CPNE5: variants seen among roughly 807,000 people sequenced by gnomAD.
CPNE5 encodes the protein copine-5.
CPNE5 carries 42 observed loss-of-function variants against 81.1 expected under a neutral mutation model. The observed-to-expected ratio is 0.52, with a 90% CI of 0.40 to 0.67. CPNE5 has a LOEUF of 0.67. Among genes scored for constraint, CPNE5 ranks in the 30% least tolerant of loss-of-function variants. CPNE5 has a pLI of 0.00. For missense variants in CPNE5, 612 were observed against 815.5 expected (o/e 0.75, Z 3.04); for synonymous variants, 313 against 321.5 (o/e 0.97, Z 0.28).
chr6:36,806,650 C>T (rs1770619829), intron 3 of CPNE5, among the ~76,000 whole-genome samples: 1 of 152,224 alleles, frequency 6.6e-6, no homozygotes, highest in Non-Finnish European at 1.5e-5. Context: ...TGCTGGGACC[C>T]TCACTGATAA....
chr6:36,788,694 A>T (rs1768829203), intron 8 of CPNE5, among the ~76,000 whole-genome samples: 1 of 118,572 alleles, frequency 8.4e-6, no homozygotes. Flanking sequence ...TGCTGAGCAG[A>T]ATTGAACCTT....
chr6:36,741,140 A>T lies in CPNE5; in HGVS notation c.*1128T>A, dbSNP rs1065259. 0.51 allele frequency: 77,787 copies of T among 152,074 alleles called. 20,435 individuals are homozygous for T. Among genetic ancestry groups the T allele is most frequent in the African/African-American group, 0.61 (25,197 of 41,462 alleles). 9.4% of individuals were successfully genotyped at this position (152,074 alleles called of 1,614,324 possible). A position where few individuals can be genotyped will look rare whatever the true frequency, so the allele number is the denominator to read the frequency against. On this transcript the variant is annotated 3_prime_UTR_variant, in exon 21 of 21. Coordinates refer to ENST00000244751, the MANE Select transcript of CPNE5 (RefSeq NM_020939.2). The stretch of plus-strand genomic sequence containing the variant: ...ACTAGGGTATGTTTGGGGTGATGGG[A>T]TGAGACAGGGTGACCCAAAAGCCAA...
intron 1 of CPNE5, among the ~76,000 whole-genome samples, chr6:36,837,409 A>G (rs1773613899): frequency 6.6e-6 from 1 of 152,186 alleles, no homozygotes; most frequent in Non-Finnish European, 1.5e-5. Flanking sequence ...AAGCCACACT[A>G]TCTGCCCTCC....
At chr6:36,752,045 G>T (rs1192892904) in intron 14 of CPNE5, among the ~76,000 whole-genome samples, 1 of 152,004 alleles carries the variant, frequency 6.6e-6, no homozygotes, top group Non-Finnish European at 1.5e-5. Flanking sequence ...TAGGAGGAGA[G>T]CTTGCAGCCT....
chr6:36,798,332 G>A, intron 5 of CPNE5, 91 bp from the exon 6 acceptor site: 1 of 1,506,364 alleles, frequency 6.6e-7, no homozygotes, highest in South Asian at 1.1e-5. Context: ...GGAAGCGTGA[G>A]GGCCCTTAAA....
intron 8 of CPNE5, among the ~76,000 whole-genome samples, chr6:36,780,661 C>T (rs1767966087): frequency 6.6e-6 from 1 of 152,172 alleles, no homozygotes; most frequent in Non-Finnish European, 1.5e-5. Context: ...GACCTCTGTC[C>T]CTGCCCCACT....
At chr6:36,765,312 C>A (rs1197074251) in intron 11 of CPNE5, 23 bp downstream of exon 11, 3 of 1,613,500 alleles carry the variant, frequency 1.9e-6, no homozygotes, top group Non-Finnish European at 2.5e-6. Context: ...CACCTTCTCG[C>A]CCCTGCCCTC....
chr6:36,785,905 C>T (rs566916876), intron 8 of CPNE5, among the ~76,000 whole-genome samples: 4 of 147,422 alleles, frequency 2.7e-5, no homozygotes, highest in Admixed American at 2.1e-4. Context: ...CCCAGATACT[C>T]GGGAGGCTGA....
Position 36,746,443 on chromosome 6 carries a change from C to T in CPNE5, c.1153G>A (p.Gly385Arg), listed in dbSNP as rs779047668. ...SDKMFPALGFGAKLPPDGRVS... is the reference protein window; with the variant it reads ...SDKMFPALGFRAKLPPDGRVS... ...CTGCCATCCGGGGGCAGCTTGGCCC[C>T]GAAGCCCAGGGCAGGGAACATCTTG... The change falls in exon 16 of 21, where the codon GGG becomes AGG. Residue 385 changes from glycine (G) to arginine (R), a missense_variant. By Grantham distance (125) the Gly-to-Arg change is moderately radical. Coordinates refer to ENST00000244751, the MANE Select transcript of CPNE5 (RefSeq NM_020939.2). The surrounding 1 kb of genome is among the most constrained non-coding windows in gnomAD (Gnocchi z 4.5). The T allele has an allele frequency of 4.3e-6, 7 of 1,613,250 alleles. No homozygotes were observed. The highest frequency in any genetic ancestry group is 1.3e-5 in the African/African-American group (1 of 74,966).
rs750334085 is a variant in CPNE5 at position 36,746,006 on chromosome 6, A to T, written c.1200+390T>A. 8.9e-6 allele frequency: 2 copies of T among 224,696 alleles called. No homozygotes were observed. The highest frequency in any genetic ancestry group is 1.5e-5 in the Non-Finnish European group (2 of 134,342). The allele number at this position is 224,696 out of a possible 1,614,324, so 13.9% of individuals were successfully genotyped here. A position where few individuals can be genotyped will look rare whatever the true frequency, so the allele number is the denominator to read the frequency against. On this transcript the variant is annotated intron_variant, in intron 16 of 20. Transcript: ENST00000244751. This position sits in a 1 kb window ranked among gnomAD's most constrained non-coding sequence, Gnocchi z 4.5. ...CCACAGGGCCCGGGATGCCCAGATG[A>T]CGCCATGCTCCACATCACCCTGGAG...
At chr6:36,810,581 G>C (rs964383509) in intron 3 of CPNE5, among the ~76,000 whole-genome samples, 1 of 152,230 alleles carries the variant, frequency 6.6e-6, no homozygotes, top group African/African-American at 2.4e-5. Flanking sequence ...GAGATCTGGG[G>C]ACAGGAAAGG....
At chr6:36,788,982 C>T (rs1196714639) in intron 8 of CPNE5, among the ~76,000 whole-genome samples, 3 of 152,222 alleles carry the variant, frequency 2.0e-5, no homozygotes, top group Non-Finnish European at 4.4e-5. Context: ...AAGCCCTGCT[C>T]TGGTGAAAAA....
intron 10 of CPNE5, among the ~76,000 whole-genome samples, chr6:36,768,436 T>G (rs1435328870): frequency 1.3e-5 from 2 of 151,998 alleles, no homozygotes; most frequent in Admixed American, 6.6e-5. Context: ...TTCACCATGG[T>G]GGCCAGGTTG....
At chr6:36,792,676 C>T (rs1769207499) in intron 7 of CPNE5, among the ~76,000 whole-genome samples, 1 of 152,188 alleles carries the variant, frequency 6.6e-6, no homozygotes, top group Non-Finnish European at 1.5e-5. Flanking sequence ...GCCGACTGTG[C>T]AGCTCCCCAG....
At chr6:36,834,254 CAAAAAAAAAAAAAA>C (rs1157250827) in intron 1 of CPNE5, among the ~76,000 whole-genome samples, 2 of 21,684 alleles carry the variant, frequency 9.2e-5, no homozygotes, top group Non-Finnish European at 1.3e-4. Flanking sequence ...GACTGTATCT[CAAAAAAAAAAAAAA>C]AAAAAAAAAA....
At chr6:36,749,907 C>T (rs796552996) in intron 14 of CPNE5, among the ~76,000 whole-genome samples, 2 of 152,172 alleles carry the variant, frequency 1.3e-5, no homozygotes, top group East Asian at 1.9e-4. Context: ...GGTTCTCTGC[C>T]GGGTCCAGAC....
In CPNE5 at chr6:36,742,247, A is replaced by T. The variant is rs767453715; in HGVS notation, c.*21T>A. On this transcript the variant is annotated 3_prime_UTR_variant, in exon 21 of 21. Coordinates refer to ENST00000244751, the MANE Select transcript of CPNE5 (RefSeq NM_020939.2). Reference sequence around the variant, plus strand: ...ACCTGGCCTCTCCCAGGCCCCAGCCACCTGCCTGCTGAGACCAGGTTCAGA... The same window carrying T: ...ACCTGGCCTCTCCCAGGCCCCAGCCTCCTGCCTGCTGAGACCAGGTTCAGA... 6.5e-7 allele frequency: 1 copy of T among 1,531,520 alleles called. No homozygotes were observed. Among genetic ancestry groups the T allele is most frequent in the African/African-American group, 1.4e-5 (1 of 73,858 alleles). 94.9% of individuals were successfully genotyped at this position (1,531,520 alleles called of 1,614,324 possible). A position where few individuals can be genotyped will look rare whatever the true frequency, so the allele number is the denominator to read the frequency against.
chr6:36,753,139 A>G, intron 13 of CPNE5, 44 bp from the exon 14 acceptor site: 1 of 1,523,334 alleles, frequency 6.6e-7, no homozygotes, highest in Non-Finnish European at 9.1e-7. Context: ...GCCTGGGGTC[A>G]GGGGAGATGG....
intron 10 of CPNE5, among the ~76,000 whole-genome samples, chr6:36,765,779 G>A (rs536175261): frequency 6.6e-6 from 1 of 152,108 alleles, no homozygotes; most frequent in East Asian, 1.9e-4. Flanking sequence ...GCAGGGTGGA[G>A]GGGAGGGAAG....
Sources: gnomAD v4.1 joint callset for allele counts (sites outside exome capture counted in the v4.1 genomes callset) on GRCh38, gnomAD v4.1.1 for gene constraint, Gnocchi (gnomAD v3.1) non-coding constraint, MANE v1.5 for transcripts, NCBI Gene and HGNC (gene_info 2026-07-23, HGNC 2026-07-21) for gene names.